KIF26B: variants seen among roughly 807,000 people sequenced by gnomAD.
KIF26B encodes the protein kinesin family member 26B, also known as kinesin-like protein KIF26B.
KIF26B carries 63 observed loss-of-function variants against 151.2 expected under a neutral mutation model. The observed-to-expected ratio is 0.42, with a 90% confidence interval of 0.34 to 0.51. The LOEUF (loss-of-function observed/expected upper bound fraction) is 0.51, where lower values mean the gene tolerates loss of function less well. Among genes scored for constraint, KIF26B ranks in the 20% least tolerant of loss-of-function variants. KIF26B has a pLI of 0.07. For synonymous variants in KIF26B, 1,357 were observed against 1,262.1 expected (o/e 1.08, Z -1.59); for missense variants, 2,813 against 2,913.6 (o/e 0.97, Z 0.79).
chr1:245,404,557 G>A (rs533137017), intron 3 of KIF26B, among the ~76,000 whole-genome samples: 1 of 152,314 alleles, frequency 6.6e-6, no homozygotes, highest in South Asian at 2.1e-4. Flanking sequence ...CAAGTGGAAA[G>A]TATAGCCAAG....
At chr1:245,271,760 TTTTG>T (rs1670860178) in intron 2 of KIF26B, among the ~76,000 whole-genome samples, 1 of 152,174 alleles carries the variant, frequency 6.6e-6, no homozygotes, top group Non-Finnish European at 1.5e-5. Context: ...CAGTTTTGTA[TTTTG>T]TTGAAAATTT....
chr1:245,386,700 G>A (rs549489634), intron 3 of KIF26B, among the ~76,000 whole-genome samples: 37 of 152,262 alleles, frequency 2.4e-4, no homozygotes, highest in African/African-American at 7.7e-4. Context: ...GCTCTCCATC[G>A]ATAAGATATG....
At chr1:245,314,267 G>A (rs1349242457) in intron 2 of KIF26B, among the ~76,000 whole-genome samples, 1 of 152,096 alleles carries the variant, frequency 6.6e-6, no homozygotes, top group Non-Finnish European at 1.5e-5. Flanking sequence ...GGCCAACATG[G>A]TGAAACCCCA....
rs1487173621 is a variant in KIF26B at position 245,325,109 on chromosome 1, AAAG to A, written c.466-41722_466-41720del. On this transcript the variant is annotated intron_variant, in intron 2 of 14. Transcript: ENST00000407071. Reference sequence around the variant, plus strand: ...GACCTTGTCTCAAAAAAAAAAAAAAAAAGAAAAAAAGAAAAAAGAAAGAAAATG... The same window carrying A: ...GACCTTGTCTCAAAAAAAAAAAAAAAAAAAAAAGAAAAAAGAAAGAAAATG... 3.0e-5 allele frequency among the ~76,000 whole-genome samples: 4 copies of A among 134,688 alleles called. No individual in the cohort carries two copies. The East Asian group carries it at 7.8e-4, about 26-fold the overall frequency. 88.4% of individuals were successfully genotyped at this position (134,688 alleles called of 152,430 possible).
intron 2 of KIF26B, among the ~76,000 whole-genome samples, chr1:245,186,550 T>A (rs1482222180): frequency 6.6e-6 from 1 of 151,860 alleles, no homozygotes; most frequent in Admixed American, 6.6e-5. Context: ...TGAAAGGGGG[T>A]GTAGGAGTCA....
chr1:245,168,057 G>A (rs1161417834), intron 2 of KIF26B, among the ~76,000 whole-genome samples: 1 of 152,212 alleles, frequency 6.6e-6, no homozygotes, highest in African/African-American at 2.4e-5. Context: ...TAGCTGGCCT[G>A]TGCTTGATTT....
intron 2 of KIF26B, among the ~76,000 whole-genome samples, chr1:245,190,629 G>GTT (rs768099890): frequency 0.043 from 3,452 of 79,554 alleles, 190 homozygotes; most frequent in African/African-American, 0.12. Flanking sequence ...TTCCCTGAAT[G>GTT]TTTTGTTTTG....
chr1:245,175,936 G>GACA, intron 2 of KIF26B, among the ~76,000 whole-genome samples: 1 of 118,730 alleles, frequency 8.4e-6, no homozygotes, highest in African/African-American at 3.7e-5. Flanking sequence ...ATATTTAGAT[G>GACA]TCTATATATA....
intron 10 of KIF26B, among the ~76,000 whole-genome samples, chr1:245,648,111 C>T (rs35842276): frequency 0.21 from 31,402 of 152,130 alleles, 3,594 homozygotes; most frequent in Non-Finnish European, 0.26. Flanking sequence ...AATGTCAGAA[C>T]TTCATAGATC....
chr1:245,299,928 G>A (rs542233865), intron 2 of KIF26B, among the ~76,000 whole-genome samples: 17 of 152,318 alleles, frequency 1.1e-4, no homozygotes, highest in Non-Finnish European at 8.8e-5. Flanking sequence ...CAGAGATTGC[G>A]AGGAGAGGCT....
intron 12 of KIF26B, among the ~76,000 whole-genome samples, chr1:245,694,993 G>A (rs992258837): frequency 1.3e-5 from 2 of 152,132 alleles, no homozygotes; most frequent in African/African-American, 2.4e-5. Flanking sequence ...GACAGGCGGC[G>A]TCCAATGGGG....
chr1:245,478,841 T>C (rs1660101754), intron 4 of KIF26B, among the ~76,000 whole-genome samples: 1 of 151,622 alleles, frequency 6.6e-6, no homozygotes, highest in Non-Finnish European at 1.5e-5. Flanking sequence ...TGGTGATGGA[T>C]CAGACCAGGG....
chr1:245,667,682 G>T lies in KIF26B; in HGVS notation c.2259-16551G>T, dbSNP rs1278529461. ...TACAGGAAGAAGAGAAGTGGCATCT[G>T]CCCATCCTACGCAGTTCTCCAGGAA... On this transcript the variant is annotated intron_variant, in intron 10 of 14. Coordinates refer to ENST00000407071, the MANE Select transcript of KIF26B (RefSeq NM_018012.4). This position sits in a 1 kb window ranked among gnomAD's most constrained non-coding sequence, Gnocchi z 4.3. 1.3e-5 allele frequency among the ~76,000 whole-genome samples: 2 copies of T among 152,162 alleles called. No homozygotes were observed. Among genetic ancestry groups the T allele is most frequent in the Admixed American group, 6.5e-5 (1 of 15,282 alleles).
rs1670210345 is a variant in KIF26B at position 245,241,518 on chromosome 1, A to G, written c.465+84835A>G. Among the ~76,000 whole-genome samples, 1 of 152,140 alleles carries G rather than the reference A, an allele frequency of 6.6e-6. No homozygotes were observed. Among genetic ancestry groups the G allele is most frequent in the Admixed American group, 6.5e-5 (1 of 15,280 alleles). The stretch of plus-strand genomic sequence containing the variant: ...AATCCCAGGACCCCCAAAGTGGGAG[A>G]AGGGCTCCCAGGTGCCTTACAGGTC... On this transcript the variant is annotated intron_variant, in intron 2 of 14. Transcript: ENST00000407071. This position sits in a 1 kb window ranked among gnomAD's most constrained non-coding sequence, Gnocchi z 5.0.
intron 5 of KIF26B, among the ~76,000 whole-genome samples, chr1:245,556,701 G>A (rs1662047533): frequency 6.8e-6 from 1 of 146,866 alleles, no homozygotes; most frequent in Admixed American, 6.8e-5. Context: ...TGCATCTGGT[G>A]TTTTTGTTGT....
chr1:245,355,986 C>T (rs565267444), intron 2 of KIF26B, among the ~76,000 whole-genome samples: 7 of 152,302 alleles, frequency 4.6e-5, no homozygotes, highest in Admixed American at 1.3e-4. Context: ...CACACCGTCA[C>T]CTGGGTGCTC....
At chr1:245,444,115 T>C (rs1070882) in intron 4 of KIF26B, among the ~76,000 whole-genome samples, 1 of 72,822 alleles carries the variant, frequency 1.4e-5, no homozygotes, top group African/African-American at 3.6e-5. Context: ...ACTGTTCACC[T>C]AGAGCGGTCA....
chr1:245,252,956 G>A (rs942118352), intron 2 of KIF26B, among the ~76,000 whole-genome samples: 3 of 150,558 alleles, frequency 2.0e-5, no homozygotes, highest in Non-Finnish European at 4.4e-5. Flanking sequence ...AATCAGAATT[G>A]AATTTTATGA....
intron 4 of KIF26B, among the ~76,000 whole-genome samples, chr1:245,539,518 T>C (rs1032359949): frequency 3.9e-5 from 6 of 152,216 alleles, no homozygotes; most frequent in Non-Finnish European, 5.9e-5. Flanking sequence ...TTAGAATCCT[T>C]AGAATAAGAG....
Sources: gnomAD v4.1 joint callset for allele counts (sites outside exome capture counted in the v4.1 genomes callset) on GRCh38, gnomAD v4.1.1 for gene constraint, Gnocchi (gnomAD v3.1) non-coding constraint, MANE v1.5 for transcripts, NCBI Gene and HGNC (gene_info 2026-07-23, HGNC 2026-07-21) for gene names.